The following MBTD1 variants were observed in gnomAD, a reference collection of about 807,000 sequenced individuals.
MBTD1 encodes mbt domain containing 1.
MBTD1 carries 24 observed loss-of-function variants against 87.8 expected under a neutral mutation model. That is an observed-to-expected ratio of 0.27 (90% CI 0.20 to 0.38). MBTD1 has a LOEUF of 0.38. Among genes scored for constraint, MBTD1 ranks in the 10% least tolerant of loss-of-function variants. The pLI is 1.00. For synonymous variants in MBTD1, 237 were observed against 248.6 expected (o/e 0.95, Z 0.44); for missense variants, 436 against 760.2 (o/e 0.57, Z 5.02).
chr17:51,247,277 G>A (rs937684251), intron 2 of MBTD1, among the ~76,000 whole-genome samples: 2 of 152,176 alleles, frequency 1.3e-5, no homozygotes, highest in Non-Finnish European at 2.9e-5. Flanking sequence ...TCCAAATACT[G>A]AATCATCCTT....
chr17:51,208,225 G>A (rs571688312), intron 6 of MBTD1, among the ~76,000 whole-genome samples: 1 of 152,194 alleles, frequency 6.6e-6, no homozygotes, highest in Non-Finnish European at 1.5e-5. Flanking sequence ...AGTTGGATAA[G>A]TCTAGAAACC....
intron 2 of MBTD1, chr17:51,256,227 A>T (rs1304938106): frequency 6.6e-6 from 1 of 152,202 alleles, no homozygotes; most frequent in East Asian, 1.9e-4. Context: ...GGTTTACAGA[A>T]ACTACAGGAG....
In MBTD1 at chr17:51,190,016, G is replaced by A. The variant is rs72826467; in HGVS notation, c.1768+2187C>T. On this transcript the variant is annotated intron_variant, in intron 16 of 16. Transcript: ENST00000586178. Reference sequence around the variant, plus strand: ...GCCTGTAGGTTGCTACTTGTGTGTGGCTGACATGGGTTTTGTGCTGGGAGA... The same window carrying A: ...GCCTGTAGGTTGCTACTTGTGTGTGACTGACATGGGTTTTGTGCTGGGAGA... Among the ~76,000 whole-genome samples the A allele has an allele frequency of 2.5e-3, 384 of 152,298 alleles. 3 individuals are homozygous for A. Among genetic ancestry groups the A allele is most frequent in the Middle Eastern group, 6.8e-3 (2 of 294 alleles).
chr17:51,228,294 G>C (rs986344595), intron 2 of MBTD1, among the ~76,000 whole-genome samples: 21 of 152,040 alleles, frequency 1.4e-4, no homozygotes, highest in African/African-American at 5.1e-4. Context: ...CTTAGTATCT[G>C]GGTGATGAAA....
At chr17:51,216,022 C>T (rs945973859) in intron 6 of MBTD1, among the ~76,000 whole-genome samples, 3 of 148,844 alleles carry the variant, frequency 2.0e-5, no homozygotes, top group African/African-American at 7.5e-5. Flanking sequence ...ACCTCTGCCT[C>T]CTGGGTTCAA....
chr17:51,251,155 C>T (rs1249108049), intron 2 of MBTD1: 3 of 152,072 alleles, frequency 2.0e-5, no homozygotes, highest in Non-Finnish European at 2.9e-5. Flanking sequence ...AGATTTTCAT[C>T]AGTTGAAATG....
At chr17:51,222,037 TAAAG>T (rs1240840975) in intron 3 of MBTD1, among the ~76,000 whole-genome samples, 1 of 152,188 alleles carries the variant, frequency 6.6e-6, no homozygotes, top group Non-Finnish European at 1.5e-5. Flanking sequence ...AATAGATTGT[TAAAG>T]AACGTTCTGA....
chr17:51,235,746 T>C (rs186281018), intron 2 of MBTD1, among the ~76,000 whole-genome samples: 5 of 152,364 alleles, frequency 3.3e-5, no homozygotes, highest in Admixed American at 2.6e-4. Context: ...AATTGATTTA[T>C]GATTTAACAC....
chr17:51,224,311 A>G (rs1249078395), intron 3 of MBTD1, among the ~76,000 whole-genome samples: 1 of 152,254 alleles, frequency 6.6e-6, no homozygotes, highest in Non-Finnish European at 1.5e-5. Context: ...GCTCCTTGGT[A>G]TGCCTTAGAG....
At chr17:51,256,895 T>C (rs989157510) in intron 2 of MBTD1, 2 of 152,204 alleles carry the variant, frequency 1.3e-5, no homozygotes, top group African/African-American at 4.8e-5. Context: ...AATGGCAGAA[T>C]TGTGACATCA....
intron 2 of MBTD1, 143 bp from the exon 3 acceptor site, chr17:51,225,352 C>A: frequency 4.8e-6 from 2 of 416,060 alleles, no homozygotes; most frequent in Non-Finnish European, 8.1e-6. Context: ...TTTTTTTTTT[C>A]TTTTTTTAAA....
chr17:51,228,576 G>A (rs1568209414), intron 2 of MBTD1, among the ~76,000 whole-genome samples: 1 of 145,388 alleles, frequency 6.9e-6, no homozygotes, highest in African/African-American at 2.6e-5. Context: ...TTTGTGAGAA[G>A]TGAAAAGAAA....
intron 2 of MBTD1, among the ~76,000 whole-genome samples, chr17:51,236,066 T>C (rs2053814851): frequency 6.6e-6 from 1 of 152,120 alleles, no homozygotes; most frequent in Non-Finnish European, 1.5e-5. Context: ...TAGATATCTA[T>C]AGATACATAT....
At chr17:51,230,403 G>A (rs6504698) in intron 2 of MBTD1, among the ~76,000 whole-genome samples, 77,975 of 151,880 alleles carry the variant, frequency 0.51, 20,332 homozygotes, top group South Asian at 0.65. Flanking sequence ...TCAAGTATTT[G>A]TGGGTCTCAT....
chr17:51,182,454 C>T (rs1276218455), intron 16 of MBTD1, among the ~76,000 whole-genome samples: 2 of 152,130 alleles, frequency 1.3e-5, no homozygotes, highest in East Asian at 3.9e-4. Flanking sequence ...GTTCTTTACA[C>T]ATTTGACTGA....
intron 13 of MBTD1, 60 bp downstream of exon 13, chr17:51,195,154 A>G (rs2051027401): frequency 6.6e-7 from 1 of 1,514,942 alleles, no homozygotes; most frequent in East Asian, 2.3e-5. Context: ...TGTTGTAAAC[A>G]AAAACCATGT....
intron 16 of MBTD1, among the ~76,000 whole-genome samples, chr17:51,191,032 C>T (rs184727518): frequency 2.0e-5 from 3 of 151,774 alleles, no homozygotes; most frequent in African/African-American, 4.8e-5. Context: ...CTGTAGTGAG[C>T]GGAGATTGTG....
At chr17:51,182,288 C>T (rs895980653) in intron 16 of MBTD1, among the ~76,000 whole-genome samples, 1 of 152,004 alleles carries the variant, frequency 6.6e-6, no homozygotes, top group African/African-American at 2.4e-5. Context: ...CCATGCCTGG[C>T]GAATTCTTTT....
At chr17:51,214,533 A>T (rs943507662) in intron 6 of MBTD1, among the ~76,000 whole-genome samples, 1 of 152,208 alleles carries the variant, frequency 6.6e-6, no homozygotes, top group African/African-American at 2.4e-5. Context: ...GCTGGAAAAC[A>T]GAAAGTATTT....
Sources: allele counts gnomAD v4.1 joint callset (sites outside exome capture counted in the v4.1 genomes callset), GRCh38; gene constraint gnomAD v4.1.1; transcripts MANE v1.5; gene names NCBI Gene and HGNC (gene_info 2026-07-23, HGNC 2026-07-21).